Variants in CPPED1 observed in about 807,000 individuals in gnomAD.
CPPED1 encodes the protein serine/threonine-protein phosphatase CPPED1.
In CPPED1, 28 loss-of-function variants were observed where a neutral mutation model predicts 28.0. That is an observed-to-expected ratio of 1.00 (90% CI 0.74 to 1.37). CPPED1 has a LOEUF of 1.37. Among genes scored for constraint, CPPED1 ranks in the 40% most tolerant of loss-of-function variants. CPPED1 has a pLI of 0.00. For missense variants in CPPED1, 504 were observed against 416.5 expected, an observed-to-expected ratio of 1.21 and a Z score of -1.83; for synonymous variants, 198 against 180.2, an observed-to-expected ratio of 1.10 and a Z score of -0.79.
In CPPED1 at chr16:12,800,003, C is replaced by G. The variant is rs940977167; in HGVS notation, c.70+3704G>C. Among the ~76,000 whole-genome samples the G allele has an allele frequency of 5.6e-4, 86 of 152,216 alleles. 1 individual carries two copies. Among genetic ancestry groups the G allele is most frequent in the African/African-American group, 2.0e-3 (82 of 41,450 alleles). ...GCATCCCCATTCTTATCCAGGGGAG[C>G]TGCTCTCTGATCCTCTGGTCCCAGT... On this transcript the variant is annotated intron_variant, in intron 1 of 3. Coordinates refer to ENST00000381774, the MANE Select transcript of CPPED1 (RefSeq NM_018340.3).
intron 1 of CPPED1, among the ~76,000 whole-genome samples, chr16:12,789,282 T>C (rs915991271): frequency 6.6e-6 from 1 of 152,294 alleles, no homozygotes; most frequent in African/African-American, 2.4e-5. Flanking sequence ...CAAACCCTTA[T>C]CTATGGTAAT....
chr16:12,697,458 T>C lies in CPPED1; in HGVS notation c.715+7166A>G, dbSNP rs184276526. On this transcript the variant is annotated intron_variant, in intron 3 of 3. Transcript: ENST00000381774. ...CCACTGAAGACCTTCAGGAGGCTTG[T>C]TCTGGGCAGACCTTTCTGTCAGTCA... Among the ~76,000 whole-genome samples the C allele has an allele frequency of 3.4e-3, 516 of 152,288 alleles. 2 individuals are homozygous for C. Among genetic ancestry groups the C allele is most frequent in the African/African-American group, 0.012 (498 of 41,564 alleles).
At chr16:12,802,145 G>A (rs1227690142) in intron 1 of CPPED1, among the ~76,000 whole-genome samples, 1 of 152,122 alleles carries the variant, frequency 6.6e-6, no homozygotes, top group Non-Finnish European at 1.5e-5. Flanking sequence ...CAAACCCCTG[G>A]GGCATGGTGG....
chr16:12,781,507 A>G, intron 1 of CPPED1, 104 bp from the exon 2 acceptor site: 1 of 972,638 alleles, frequency 1.0e-6, no homozygotes, highest in Non-Finnish European at 1.5e-6. Flanking sequence ...TCTTAAATTA[A>G]GTAGGTCATT....
At chr16:12,762,015 C>A (rs375979034) in intron 2 of CPPED1, among the ~76,000 whole-genome samples, 25 of 145,260 alleles carry the variant, frequency 1.7e-4, no homozygotes, top group African/African-American at 1.5e-4. Context: ...ACTCTGTCTC[C>A]AAAAAAAAAA....
At position 12,663,066 on chromosome 16, in the gene CPPED1, T is replaced by TC. The variant is rs1489735795; in HGVS notation, c.*1819_*1820insG. On this transcript the variant is annotated 3_prime_UTR_variant, in exon 4 of 4. Transcript: ENST00000381774. ...TCTCAATGTGTGTGTGTGTGGTTTT[T>TC]TTTTTTTTTTTTTGAGACAGAGTCT... 1 of 150,682 alleles carries TC rather than the reference T, an allele frequency of 6.6e-6. No homozygotes were observed. Among genetic ancestry groups the TC allele is most frequent in the African/African-American group, 2.4e-5 (1 of 40,996 alleles). 9.3% of individuals were successfully genotyped at this position (150,682 alleles called of 1,614,324 possible).
intron 2 of CPPED1, among the ~76,000 whole-genome samples, chr16:12,771,375 G>A (rs2080469527): frequency 6.6e-6 from 1 of 152,204 alleles, no homozygotes; most frequent in African/African-American, 2.4e-5. Context: ...TAAAGATCAC[G>A]GGAAACAAAC....
intron 1 of CPPED1, among the ~76,000 whole-genome samples, chr16:12,795,690 C>T (rs187499976): frequency 2.0e-5 from 3 of 152,294 alleles, no homozygotes; most frequent in South Asian, 2.1e-4. Flanking sequence ...TTGTTTAGTC[C>T]GGAGACTCCA....
chr16:12,764,229 A>G (rs1342073515), intron 2 of CPPED1, among the ~76,000 whole-genome samples: 1 of 150,340 alleles, frequency 6.7e-6, no homozygotes, highest in Non-Finnish European at 1.5e-5. Flanking sequence ...TTTGAGACAG[A>G]GTTTCGCTCT....
In CPPED1 at chr16:12,704,678, A is replaced by G. The variant is rs2080038533; in HGVS notation, c.661T>C (p.Phe221Leu). ...TTCCGAGTGGACTTGCTGAGGTTGA[A>G]GTAGTAGTCGTCGTCCTCGTCGATG... ...ESIDEDDDYYFNLSKSTRKKL... is the reference protein window; with the variant it reads ...ESIDEDDDYYLNLSKSTRKKL... The change falls in exon 3 of 4, where the codon TTC becomes CTC. Residue 221 changes from phenylalanine to leucine, a missense_variant. Physicochemically the swap from Phe to Leu is conservative, Grantham distance 22. Transcript: ENST00000381774. The G allele has an allele frequency of 6.2e-7, 1 of 1,614,042 alleles. No individual in the cohort carries two copies. Among genetic ancestry groups the G allele is most frequent in the Non-Finnish European group, 8.5e-7 (1 of 1,180,028 alleles).
At chr16:12,716,869 ATGACCTTGTGG>A (rs1338327228) in intron 2 of CPPED1, among the ~76,000 whole-genome samples, 1 of 151,658 alleles carries the variant, frequency 6.6e-6, no homozygotes. Context: ...GGAACAGGCA[ATGACCTTGTGG>A]TGTTGCATGA....
At chr16:12,693,723 G>A (rs1250983462) in intron 3 of CPPED1, among the ~76,000 whole-genome samples, 1 of 152,154 alleles carries the variant, frequency 6.6e-6, no homozygotes, top group African/African-American at 2.4e-5. Flanking sequence ...TCACTAAGCT[G>A]GAGATACTGG....
At chr16:12,698,139 G>A (rs1247887167) in intron 3 of CPPED1, among the ~76,000 whole-genome samples, 1 of 152,020 alleles carries the variant, frequency 6.6e-6, no homozygotes, top group East Asian at 1.9e-4. Context: ...GTCAGTTCAT[G>A]AAAACCAACT....
chr16:12,672,384 G>A (rs535775313), intron 3 of CPPED1, among the ~76,000 whole-genome samples: 81 of 152,288 alleles, frequency 5.3e-4, no homozygotes, highest in African/African-American at 1.8e-3. Context: ...TCACAGTACC[G>A]TTAGTAATGT....
chr16:12,798,878 C>A (rs2080642190), intron 1 of CPPED1, among the ~76,000 whole-genome samples: 1 of 152,096 alleles, frequency 6.6e-6, no homozygotes, highest in East Asian at 1.9e-4. Context: ...CTGAACATGC[C>A]TTAGGAATGT....
At position 12,763,137 on chromosome 16, in the gene CPPED1, C is replaced by T. The variant is rs1037711250; in HGVS notation, c.289+18048G>A. Among the ~76,000 whole-genome samples, 62 of 151,258 alleles carry T rather than the reference C, an allele frequency of 4.1e-4. 1 individual carries two copies. The highest frequency in any genetic ancestry group is 1.5e-3 in the African/African-American group (60 of 41,164). On this transcript the variant is annotated intron_variant, in intron 2 of 3. Transcript: ENST00000381774. The stretch of plus-strand genomic sequence containing the variant: ...ATTCCAGCTACTTGGGAGGCTGAGG[C>T]AGGAGAATTGCTTAAACCTGGGAGG...
At chr16:12,665,816 C>G (rs906446191) in intron 3 of CPPED1, among the ~76,000 whole-genome samples, 2 of 152,114 alleles carry the variant, frequency 1.3e-5, no homozygotes, top group African/African-American at 4.8e-5. Context: ...TCCCAGCTAC[C>G]TGGGAGGCTG....
chr16:12,771,129 C>G (rs1475528957), intron 2 of CPPED1, among the ~76,000 whole-genome samples: 1 of 152,082 alleles, frequency 6.6e-6, no homozygotes, highest in East Asian at 1.9e-4. Context: ...AGGATGACAA[C>G]AACAAAAAAC....
At chr16:12,701,917 A>T (rs1180379092) in intron 3 of CPPED1, among the ~76,000 whole-genome samples, 1 of 152,182 alleles carries the variant, frequency 6.6e-6, no homozygotes, top group Non-Finnish European at 1.5e-5. Context: ...GAGTGGAATA[A>T]GGCAGCTAAC....
Sources: gnomAD v4.1 joint callset for allele counts (sites outside exome capture counted in the v4.1 genomes callset) on GRCh38, gnomAD v4.1.1 for gene constraint, MANE v1.5 for transcripts, NCBI Gene and HGNC (gene_info 2026-07-23, HGNC 2026-07-21) for gene names.